The following PTBP1 variants were observed in gnomAD, a reference collection of about 807,000 sequenced individuals.
PTBP1 encodes polypyrimidine tract binding protein 1.
Under a neutral mutation model 59.8 loss-of-function variants are expected in PTBP1, and 8 were observed. The observed-to-expected ratio is 0.13, with a 90% CI of 0.08 to 0.24. PTBP1 has a LOEUF of 0.24. Ranked by LOEUF, PTBP1 falls within the 10% of genes least tolerant of loss-of-function variation. The pLI is 1.00. For missense variants in PTBP1, 686 were observed against 767.0 expected, an observed-to-expected ratio of 0.89 and a Z score of 1.25; for synonymous variants, 490 against 320.7, an observed-to-expected ratio of 1.53 and a Z score of -5.64.
At position 808,672 on chromosome 19, in the gene PTBP1, A is replaced by G. The variant is rs777181011; in HGVS notation, c.1373A>G (p.Asn458Ser). 16 of 1,612,404 alleles carry G rather than the reference A, an allele frequency of 9.9e-6. No homozygotes were observed. The highest frequency in any genetic ancestry group is 2.2e-5 in the East Asian group (1 of 44,846). Residue 458 changes from asparagine (N) to serine (S), a missense_variant, in exon 13 of 15, where the codon AAC (asparagine) becomes AGC (serine). Asn to Ser is a conservative substitution (Grantham distance 46). Coordinates refer to ENST00000356948, the MANE Select transcript of PTBP1 (RefSeq NM_002819.5). This position sits in a 1 kb window ranked among gnomAD's most constrained non-coding sequence, Gnocchi z 4.7. Reference sequence around the variant, plus strand: ...CAGGGCCTGACCAAGGACTACGGCAACTCACCCCTGCACCGCTTCAAGAAG... The same window carrying G: ...CAGGGCCTGACCAAGGACTACGGCAGCTCACCCCTGCACCGCTTCAAGAAG... ...EDQGLTKDYG[N>S]SPLHRFKKPG...
chr19:797,726 C>T (rs2034133970), intron 1 of PTBP1, among the ~76,000 whole-genome samples: 1 of 148,402 alleles, frequency 6.7e-6, no homozygotes, highest in African/African-American at 2.4e-5. Context: ...CCGCTTCCGG[C>T]CCCCGCGCGC....
chr19:797,478 G>C lies in PTBP1; in HGVS notation c.-20G>C, dbSNP rs779075102. On this transcript the variant is annotated 5_prime_UTR_variant, in exon 1 of 15. Transcript: ENST00000356948. ...TTCCGGCGCCTCCACTCCGTCCCCC[G>C]CGGGTCTGCTCTGTGTGCCATGGAC... 4.4e-6 allele frequency: 7 copies of C among 1,595,014 alleles called. No homozygotes were observed. In the South Asian group the frequency reaches 6.7e-5, roughly 15 times the overall value.
chr19:804,986 G>C (rs748843809), intron 7 of PTBP1, 27 bp from the exon 8 acceptor site: 1 of 1,612,222 alleles, frequency 6.2e-7, no homozygotes, highest in Non-Finnish European at 8.5e-7. Context: ...CTGGCCCGGC[G>C]ACGTCTCACG....
chr19:803,782 C>T (rs1237724592), intron 3 of PTBP1, 146 bp downstream of exon 3: 7 of 846,820 alleles, frequency 8.3e-6, no homozygotes, highest in Non-Finnish European at 1.3e-5. Context: ...GTTCTCGCTG[C>T]AGAGAATTTC....
At chr19:805,388 C>T in intron 8 of PTBP1, 104 bp from the exon 9 acceptor site, 2 of 1,293,514 alleles carry the variant, frequency 1.5e-6, no homozygotes, top group Non-Finnish European at 2.2e-6. Flanking sequence ...CGCGAAGGCT[C>T]TGCCGGGGCC....
rs375247649 is a variant in PTBP1 at position 808,733 on chromosome 19, C to G, written c.1434C>G (p.Pro478=). The change falls in exon 13 of 15, where the codon CCC becomes CCG. Residue 478 remains proline (P), a synonymous_variant. Transcript: ENST00000356948. The surrounding 1 kb of genome is among the most constrained non-coding windows in gnomAD (Gnocchi z 4.7). ...GSKNFQNIFP[P]SATLHLSNIP... The stretch of plus-strand genomic sequence containing the variant: ...AGAACTTCCAGAACATATTCCCGCC[C>G]TCGGCCACGCTGCACCTCTCCAACA... 34 of 1,612,636 alleles carry G rather than the reference C, an allele frequency of 2.1e-5. No homozygotes were observed. The African/African-American group carries it at 4.5e-4, about 22-fold the overall frequency.
At chr19:798,235 GA>G (rs969422576) in intron 1 of PTBP1, among the ~76,000 whole-genome samples, 2 of 152,120 alleles carry the variant, frequency 1.3e-5, no homozygotes, top group Admixed American at 6.5e-5. Context: ...CCGTCATGGG[GA>G]GGGGCCTTCC....
chr19:797,907 G>T (rs1035846178), intron 1 of PTBP1, among the ~76,000 whole-genome samples: 16 of 148,704 alleles, frequency 1.1e-4, no homozygotes, highest in Non-Finnish European at 2.1e-4. Context: ...CGCCTGCGTA[G>T]CCCGTCGCGC....
rs374562787 is a variant in PTBP1, at chr19:804,954, C to G, written c.717+15C>G. On this transcript the variant is annotated intron_variant, in intron 7 of 14. Transcript: ENST00000356948. ...ACGCCAAGCTGGTGAGTGGGGCTCCCGGGACGGCGCCCGCCCTGGCCCTGG... is the reference window on the plus strand; with the variant it reads ...ACGCCAAGCTGGTGAGTGGGGCTCCGGGGACGGCGCCCGCCCTGGCCCTGG... 4 of 1,612,634 alleles carry G rather than the reference C, an allele frequency of 2.5e-6. No homozygotes were observed. The highest frequency in any genetic ancestry group is 3.4e-6 in the Non-Finnish European group (4 of 1,179,102).
chr19:797,593 T>A (rs1328820806), intron 1 of PTBP1, 88 bp downstream of exon 1: 2 of 923,222 alleles, frequency 2.2e-6, no homozygotes, highest in South Asian at 4.3e-5. Flanking sequence ...GGGGCCGATC[T>A]CGCCCCCTCT....
rs1326082932 is a variant in PTBP1 at position 811,541 on chromosome 19, T to C, written c.*715T>C. The C allele has an allele frequency of 1.3e-5, 2 of 152,464 alleles. No individual in the cohort carries two copies. The highest frequency in any genetic ancestry group is 2.4e-5 in the African/African-American group (1 of 41,466). The allele number at this position is 152,464 out of a possible 1,614,324, so 9.4% of individuals were successfully genotyped here. On this transcript the variant is annotated 3_prime_UTR_variant, in exon 15 of 15. Coordinates refer to ENST00000356948, the MANE Select transcript of PTBP1 (RefSeq NM_002819.5). The stretch of plus-strand genomic sequence containing the variant: ...GCAAAAGAAATAGTTTTAAGTAACT[T>C]TTTATAGCAAGATGATACAATGGTA...
In PTBP1 at chr19:810,742, G is replaced by A. The variant is rs759211622; in HGVS notation, c.1590G>A (p.Ala530=). 2.0e-5 allele frequency: 32 copies of A among 1,607,940 alleles called. No individual in the cohort carries two copies. In the East Asian group the frequency reaches 2.2e-4, roughly 11 times the overall value. Residue 530 remains alanine (A), a synonymous_variant, in exon 15 of 15, where the codon GCG becomes GCA. Coordinates refer to ENST00000356948, the MANE Select transcript of PTBP1 (RefSeq NM_002819.5). ...TCCAGATGGGCTCCGTGGAGGAGGC[G>A]GTCCAGGCCCTCATTGACCTGCACA... The part of the protein sequence containing the change: ...ALIQMGSVEE[A]VQALIDLHNH...
At position 808,185 on chromosome 19, in the gene PTBP1, G is replaced by A. The variant is rs867627385; in HGVS notation, c.1154-175G>A. On this transcript the variant is annotated intron_variant, in intron 11 of 14. Coordinates refer to ENST00000356948, the MANE Select transcript of PTBP1 (RefSeq NM_002819.5). This position sits in a 1 kb window ranked among gnomAD's most constrained non-coding sequence, Gnocchi z 4.7. ...CCTGGATGCTATGACTTTGCTGAAC[G>A]GAGCTGCTCCTGTTAGCGCGCCCTG... 1.2e-5 allele frequency: 8 copies of A among 653,340 alleles called. No homozygotes were observed. Among genetic ancestry groups the A allele is most frequent in the Middle Eastern group, 8.1e-4 (2 of 2,456 alleles). 40.5% of individuals were successfully genotyped at this position (653,340 alleles called of 1,614,324 possible). A position where few individuals can be genotyped will look rare whatever the true frequency, so the allele number is the denominator to read the frequency against.
chr19:809,461 T>A (rs1011753371), intron 13 of PTBP1, among the ~76,000 whole-genome samples: 1 of 152,048 alleles, frequency 6.6e-6, no homozygotes, highest in Non-Finnish European at 1.5e-5. Flanking sequence ...GGAGGGACTA[T>A]AGGTGCCCGC....
intron 1 of PTBP1, chr19:798,391 C>T (rs2034176820): frequency 6.6e-6 from 1 of 152,292 alleles, no homozygotes; most frequent in Non-Finnish European, 1.5e-5. Flanking sequence ...GCGGGAGAGG[C>T]TGGAGATGTT....
At chr19:799,066 C>G (rs8111318) in intron 1 of PTBP1, among the ~76,000 whole-genome samples, 1,668 of 152,370 alleles carry the variant, frequency 0.011, 28 homozygotes, top group African/African-American at 0.037. Context: ...AAGCACACAG[C>G]AGCCCTTGAA....
Position 806,435 on chromosome 19 carries a change from C to G in PTBP1, c.998C>G (p.Ala333Gly). 2 of 1,601,634 alleles carry G rather than the reference C, an allele frequency of 1.2e-6. No homozygotes were observed. The highest frequency in any genetic ancestry group is 1.1e-5 in the South Asian group (1 of 90,496). ...CTTTCCGTTCCGAACGTCCACGGCG[C>G]CCTGGCCCCCCTGGCCATCCCCTCG... is the stretch of plus-strand genomic sequence containing the variant. ...AGLSVPNVHG[A>G]LAPLAIPSAA... Residue 333 changes from alanine to glycine, a missense_variant, in exon 10 of 15, where the codon GCC becomes GGC. Ala to Gly is a moderately conservative substitution (Grantham distance 60). Transcript: ENST00000356948.
intron 9 of PTBP1, 102 bp from the exon 10 acceptor site, chr19:806,306 G>C: frequency 7.5e-7 from 1 of 1,327,556 alleles, no homozygotes. Flanking sequence ...CGCCTCCCGC[G>C]CGGCTCGGCT....
intron 3 of PTBP1, 68 bp downstream of exon 3, chr19:803,704 G>A (rs1005546397): frequency 5.0e-6 from 7 of 1,388,450 alleles, no homozygotes; most frequent in Non-Finnish European, 7.1e-6. Context: ...TTACGTTCTT[G>A]TTCTGGGACT....
Sources: gnomAD v4.1 joint callset for allele counts (sites outside exome capture counted in the v4.1 genomes callset) on GRCh38, gnomAD v4.1.1 for gene constraint, Gnocchi (gnomAD v3.1) non-coding constraint, MANE v1.5 for transcripts, NCBI Gene and HGNC (gene_info 2026-07-23, HGNC 2026-07-21) for gene names.